MYO5B: variants seen among roughly 807,000 people sequenced by gnomAD.
MYO5B encodes the protein unconventional myosin-Vb.
In MYO5B, 143 loss-of-function variants were observed where a neutral mutation model predicts 229.3. That is an observed-to-expected ratio of 0.62 (90% confidence interval 0.54 to 0.72). The LOEUF (loss-of-function observed/expected upper bound fraction) is 0.72. Among genes scored for constraint, MYO5B ranks in the 30% least tolerant of loss-of-function variants. The pLI, the probability that MYO5B is intolerant of heterozygous loss-of-function variation, is 0.00. For synonymous variants in MYO5B, 918 were observed against 885.2 expected (o/e 1.04, Z -0.66); for missense variants, 2,321 against 2,331.0 (o/e 1.00, Z 0.09).
intron 1 of MYO5B, among the ~76,000 whole-genome samples, chr18:50,117,914 G>T (rs1222449031): frequency 1.3e-5 from 2 of 152,164 alleles, no homozygotes. Context: ...CTTACTGTAT[G>T]AAAGGAGCAA....
intron 1 of MYO5B, among the ~76,000 whole-genome samples, chr18:50,088,975 C>G (rs1242577240): frequency 1.3e-5 from 2 of 148,680 alleles, no homozygotes. Context: ...GGAGAAAAGT[C>G]TCCCTAAAAT....
chr18:49,831,030 G>A (rs915775205), intron 39 of MYO5B, among the ~76,000 whole-genome samples: 1 of 151,530 alleles, frequency 6.6e-6, no homozygotes, highest in Non-Finnish European at 1.5e-5. Flanking sequence ...AGGGTGCCAA[G>A]TCCATTCAAT....
chr18:49,875,577 A>G, intron 26 of MYO5B, 110 bp downstream of exon 26: 1 of 1,468,352 alleles, frequency 6.8e-7, no homozygotes, highest in Non-Finnish European at 9.5e-7. Context: ...TCTGAGACTT[A>G]GCAGGAGCAC....
chr18:50,166,842 C>T (rs1043707542), intron 1 of MYO5B, among the ~76,000 whole-genome samples: 1 of 152,174 alleles, frequency 6.6e-6, no homozygotes, highest in African/African-American at 2.4e-5. Flanking sequence ...ATAAGACCTA[C>T]AGCATTTCCA....
In MYO5B at chr18:49,942,042, A is replaced by G. The variant is rs371885447; in HGVS notation, c.1753-4645T>C. 6.0e-5 allele frequency among the ~76,000 whole-genome samples: 7 copies of G among 116,262 alleles called. 2 individuals are homozygous for G. The East Asian group carries it at 6.2e-4, about 10-fold the overall frequency. The allele number at this position is 116,262 out of a possible 152,430, so 76.3% of individuals were successfully genotyped here. ...CTCAGAAATAATGCTGCATATCTACAACCATCTGATCTTTGACAAACCTGA... is the reference window on the plus strand; with the variant it reads ...CTCAGAAATAATGCTGCATATCTACGACCATCTGATCTTTGACAAACCTGA... On this transcript the variant is annotated intron_variant, in intron 14 of 39. Coordinates refer to ENST00000285039, the MANE Select transcript of MYO5B (RefSeq NM_001080467.3).
chr18:49,879,572 G>C (rs930158774), intron 23 of MYO5B, among the ~76,000 whole-genome samples: 1 of 152,216 alleles, frequency 6.6e-6, no homozygotes, highest in African/African-American at 2.4e-5. Flanking sequence ...GGACAGAAAA[G>C]TGTTTTAAAA....
In MYO5B at chr18:49,988,410, GA is replaced by G. The variant is rs566261827; in HGVS notation, c.838+2028del. Among the ~76,000 whole-genome samples the G allele has an allele frequency of 2.8e-3, 431 of 152,148 alleles. 1 individual carries two copies. The highest frequency in any genetic ancestry group is 6.4e-3 in the African/African-American group (267 of 41,522). Reference sequence around the variant, plus strand: ...AGGGCACATGAAGGTGAAAGAGTGGGAAAAAAATACTGATCAAATTGGGTAG... The same window carrying G: ...AGGGCACATGAAGGTGAAAGAGTGGGAAAAAATACTGATCAAATTGGGTAG... On this transcript the variant is annotated intron_variant, in intron 7 of 39. Transcript: ENST00000285039.
chr18:50,085,050 A>C (rs537516012), intron 1 of MYO5B, among the ~76,000 whole-genome samples: 49 of 152,272 alleles, frequency 3.2e-4, no homozygotes, highest in African/African-American at 1.2e-3. Flanking sequence ...CAACAAAAGC[A>C]AAAACTGACA....
chr18:50,112,708 C>T (rs1229285117), intron 1 of MYO5B, among the ~76,000 whole-genome samples: 2 of 152,204 alleles, frequency 1.3e-5, no homozygotes, highest in East Asian at 3.8e-4. Context: ...TAAGCTGGTA[C>T]ACAGTAGCAG....
intron 1 of MYO5B, among the ~76,000 whole-genome samples, chr18:50,162,211 G>A (rs1473697506): frequency 6.6e-6 from 1 of 152,232 alleles, no homozygotes; most frequent in Non-Finnish European, 1.5e-5. Context: ...GTTCTAAAAT[G>A]TATTTCTGCA....
At chr18:49,855,580 G>A (rs574734377) in intron 30 of MYO5B, among the ~76,000 whole-genome samples, 8 of 152,280 alleles carry the variant, frequency 5.3e-5, no homozygotes, top group African/African-American at 1.9e-4. Context: ...AGAAGTAGCA[G>A]CTAATATTTA....
chr18:50,018,745 G>A (rs182606246), intron 4 of MYO5B, among the ~76,000 whole-genome samples: 4 of 152,264 alleles, frequency 2.6e-5, no homozygotes, highest in Admixed American at 6.5e-5. Context: ...TGCTTCTTAC[G>A]ATGATAAAGG....
At chr18:50,012,486 T>G (rs1403941949) in intron 4 of MYO5B, among the ~76,000 whole-genome samples, 1 of 152,254 alleles carries the variant, frequency 6.6e-6, no homozygotes, top group East Asian at 1.9e-4. Flanking sequence ...ACAGACAGTT[T>G]CCTCATTAAC....
At chr18:49,905,320 T>C (rs1372874336) in intron 19 of MYO5B, among the ~76,000 whole-genome samples, 3 of 152,164 alleles carry the variant, frequency 2.0e-5, no homozygotes, top group Non-Finnish European at 4.4e-5. Flanking sequence ...CCAATCTCTG[T>C]TTCCTTTATC....
chr18:49,960,040 G>C (rs1165182164), intron 12 of MYO5B, among the ~76,000 whole-genome samples: 1 of 152,108 alleles, frequency 6.6e-6, no homozygotes, highest in Non-Finnish European at 1.5e-5. Flanking sequence ...CTCTGCAGCT[G>C]TGGCACCAGT....
chr18:50,062,603 A>C (rs1261049221), intron 1 of MYO5B, among the ~76,000 whole-genome samples: 1 of 152,218 alleles, frequency 6.6e-6, no homozygotes, highest in African/African-American at 2.4e-5. Context: ...AAGAATTTAG[A>C]AGATAAAGAT....
Position 49,906,866 on chromosome 18 carries a change from T to TGAGGGCAGACA in MYO5B, c.2203-247_2203-237dup, listed in dbSNP as rs558286460. 4.5e-3 allele frequency among the ~76,000 whole-genome samples: 685 copies of TGAGGGCAGACA among 152,040 alleles called. 5 individuals are homozygous for TGAGGGCAGACA. Among genetic ancestry groups the TGAGGGCAGACA allele is most frequent in the African/African-American group, 0.016 (661 of 41,442 alleles). On this transcript the variant is annotated intron_variant, in intron 18 of 39. Coordinates refer to ENST00000285039, the MANE Select transcript of MYO5B (RefSeq NM_001080467.3). ...TGCCCTCAAGGAACTGACATCATGG[T>TGAGGGCAGACA]GAGGGCAGACAGACAAGCAAATAAA... is the stretch of plus-strand genomic sequence containing the variant.
intron 14 of MYO5B, among the ~76,000 whole-genome samples, chr18:49,942,291 T>A (rs2025322625): frequency 2.0e-5 from 3 of 147,918 alleles, no homozygotes; most frequent in African/African-American, 7.5e-5. Flanking sequence ...GGACTTCATG[T>A]CTAAAACACC....
At chr18:50,175,381 CCTACCT>C (rs2032981349) in intron 1 of MYO5B, among the ~76,000 whole-genome samples, 1 of 152,238 alleles carries the variant, frequency 6.6e-6, no homozygotes, top group Non-Finnish European at 1.5e-5. Context: ...CCATTGCCTT[CCTACCT>C]CCCACCATTA....
Sources: allele counts gnomAD v4.1 joint callset (sites outside exome capture counted in the v4.1 genomes callset), GRCh38; gene constraint gnomAD v4.1.1; transcripts MANE v1.5; gene names NCBI Gene and HGNC (gene_info 2026-07-23, HGNC 2026-07-21).